The following SERPINA10 variants were observed in gnomAD, a reference collection of about 807,000 sequenced individuals.
SERPINA10 encodes the protein serpin family A member 10, also known as protein Z-dependent protease inhibitor.
In SERPINA10, 24 loss-of-function variants were observed where a neutral mutation model predicts 28.0. The observed-to-expected ratio is 0.86, with a 90% CI of 0.62 to 1.20. The LOEUF (loss-of-function observed/expected upper bound fraction) is 1.20. Among genes scored for constraint, SERPINA10 ranks in the 50% most tolerant of loss-of-function variants. SERPINA10 has a pLI of 0.00. For synonymous variants in SERPINA10, 207 were observed against 203.9 expected (o/e 1.02, Z -0.13); for missense variants, 521 against 537.7 (o/e 0.97, Z 0.31).
At chr14:94,284,677 T>C (rs1455630199) in intron 4 of SERPINA10, among the ~76,000 whole-genome samples, 1 of 152,212 alleles carries the variant, frequency 6.6e-6, no homozygotes, top group Non-Finnish European at 1.5e-5. Flanking sequence ...CCTTCCTGAA[T>C]TCTGGCTGCC....
intron 2 of SERPINA10, among the ~76,000 whole-genome samples, chr14:94,289,425 GCCAAGC>G (rs1336106229): frequency 1.3e-5 from 2 of 152,336 alleles, no homozygotes; most frequent in East Asian, 3.9e-4. Context: ...TCTGCTATGT[GCCAAGC>G]CCATCTGGGC....
At chr14:94,287,212 C>A (rs1424955611) in intron 3 of SERPINA10, among the ~76,000 whole-genome samples, 2 of 152,132 alleles carry the variant, frequency 1.3e-5, no homozygotes, top group African/African-American at 4.8e-5. Flanking sequence ...GACTCCAGAT[C>A]CACCTGTCGT....
chr14:94,284,293 C>T lies in SERPINA10; in HGVS notation c.1144-137G>A, dbSNP rs929936670. On this transcript the variant is annotated intron_variant, in intron 4 of 4. Coordinates refer to ENST00000261994, the MANE Select transcript of SERPINA10 (RefSeq NM_001100607.3). ...GGATTTAGTGGAGCAGGCCCATCTA[C>T]GTTAAGAGGAGTGGTCTGGGGTTGC... 29 of 799,988 alleles carry T rather than the reference C, an allele frequency of 3.6e-5. 1 individual carries two copies. Among genetic ancestry groups the T allele is most frequent in the South Asian group, 3.4e-4 (23 of 67,834 alleles). The allele number at this position is 799,988 out of a possible 1,614,324, so 49.6% of individuals were successfully genotyped here.
At chr14:94,284,980 G>T (rs1894985312) in intron 4 of SERPINA10, among the ~76,000 whole-genome samples, 2 of 152,166 alleles carry the variant, frequency 1.3e-5, no homozygotes, top group Non-Finnish European at 2.9e-5. Context: ...ACTTTCAGGT[G>T]CTGGTCTGAC....
intron 4 of SERPINA10, among the ~76,000 whole-genome samples, chr14:94,285,014 A>G (rs56317088): frequency 0.013 from 1,922 of 152,088 alleles, 15 homozygotes; most frequent in Non-Finnish European, 0.02. Flanking sequence ...TAATTGTCTT[A>G]CCTCTCTTGA....
chr14:94,291,680 G>A (rs943370625), intron 1 of SERPINA10, among the ~76,000 whole-genome samples: 5 of 152,178 alleles, frequency 3.3e-5, no homozygotes, highest in African/African-American at 1.2e-4. Flanking sequence ...CCCAGTGAGC[G>A]CAGGGTGGAT....
Position 94,283,953 on chromosome 14 carries a change from G to A in SERPINA10, c.*12C>T, listed in dbSNP as rs752951778. 9 of 1,613,556 alleles carry A rather than the reference G, an allele frequency of 5.6e-6. No homozygotes were observed. The South Asian group carries it at 9.9e-5, about 18-fold the overall frequency. On this transcript the variant is annotated 3_prime_UTR_variant, in exon 5 of 5. Coordinates refer to ENST00000261994, the MANE Select transcript of SERPINA10 (RefSeq NM_001100607.3). ...ATCTACTACAGCACGAAGTGCTTAT[G>A]CGTGTCCTGAATTATAGGAGAGTCG...
chr14:94,286,909 A>C (rs1895038498), intron 3 of SERPINA10, among the ~76,000 whole-genome samples: 1 of 152,200 alleles, frequency 6.6e-6, no homozygotes, highest in South Asian at 2.1e-4. Context: ...AAAGATATGA[A>C]GAAAAATGAA....
At position 94,284,158 on chromosome 14, in the gene SERPINA10, T is replaced by C; in HGVS notation, c.1144-2A>G. On this transcript the variant is annotated splice_acceptor_variant, in intron 4 of 4. Coordinates refer to ENST00000261994, the MANE Select transcript of SERPINA10 (RefSeq NM_001100607.3). LOFTEE classifies it high-confidence loss of function. ...TTCAATCACTGTTCTTTGTAAAACC[T>C]GGAAAAAGGAAATAATGTGAAAAAC... is the stretch of plus-strand genomic sequence containing the variant. The C allele has an allele frequency of 2.5e-6, 4 of 1,613,430 alleles. No individual in the cohort carries two copies. The highest frequency in any genetic ancestry group is 3.4e-6 in the Non-Finnish European group (4 of 1,179,422).
intron 1 of SERPINA10, among the ~76,000 whole-genome samples, chr14:94,291,801 G>A (rs1393226400): frequency 6.6e-6 from 1 of 152,234 alleles, no homozygotes; most frequent in African/African-American, 2.4e-5. Flanking sequence ...CCTGATGCAG[G>A]GGCTGAGTCC....
At chr14:94,288,683 T>A in intron 2 of SERPINA10, 124 bp from the exon 3 acceptor site, 1 of 1,315,548 alleles carries the variant, frequency 7.6e-7, no homozygotes, top group Non-Finnish European at 1.1e-6. Context: ...TCGTTCCAAC[T>A]AGGAAAGGCG....
In SERPINA10 at chr14:94,280,464, A is replaced by G. The variant is rs1894872483; in HGVS notation, c.*3501T>C. ...TTAACAGAACATGACATTTCCTAAA[A>G]TCTTTGAAATATTTATTAAAATTAT... On this transcript the variant is annotated 3_prime_UTR_variant, in exon 5 of 5. Transcript: ENST00000261994. 1 of 152,190 alleles carries G rather than the reference A, an allele frequency of 6.6e-6. No homozygotes were observed. Among genetic ancestry groups the G allele is most frequent in the Admixed American group, 6.5e-5 (1 of 15,272 alleles). 9.4% of individuals were successfully genotyped at this position (152,190 alleles called of 1,614,324 possible).
intron 1 of SERPINA10, among the ~76,000 whole-genome samples, chr14:94,291,088 G>T (rs56059563): frequency 0.12 from 17,530 of 152,230 alleles, 1,201 homozygotes; most frequent in African/African-American, 0.19. Flanking sequence ...CTTGCCCAGT[G>T]CCCTGTTTGG....
chr14:94,290,018 A>C lies in SERPINA10; in HGVS notation c.576T>G (p.Pro192=). The C allele has an allele frequency of 6.2e-7, 1 of 1,614,228 alleles. No individual in the cohort carries two copies. Among genetic ancestry groups the C allele is most frequent in the South Asian group, 1.1e-5 (1 of 91,084 alleles). Reference sequence around the variant, plus strand: ...CCTGTGAGGCATTGCGAAAATTCATAGGCACGCACTCTGTATCAAAATACC... The same window carrying C: ...CCTGTGAGGCATTGCGAAAATTCATCGGCACGCACTCTGTATCAAAATACC... ...SKRYFDTECV[P]MNFRNASQAK... is the part of the protein sequence containing the mutation. The change falls in exon 2 of 5, where the codon CCT becomes CCG. Residue 192 remains proline (P), a synonymous_variant. Coordinates refer to ENST00000261994, the MANE Select transcript of SERPINA10 (RefSeq NM_001100607.3).
rs1349563208 is a variant in SERPINA10 at position 94,280,779 on chromosome 14, A to C, written c.*3186T>G. On this transcript the variant is annotated 3_prime_UTR_variant, in exon 5 of 5. Transcript: ENST00000261994. ...TTTCACTAGTTAGCCTTACAAGCTA[A>C]CTGTAGAGCTCACTTTTACTGCAGA... is the stretch of plus-strand genomic sequence containing the variant. 2 of 152,214 alleles carry C rather than the reference A, an allele frequency of 1.3e-5. No homozygotes were observed. The highest frequency in any genetic ancestry group is 6.5e-5 in the Admixed American group (1 of 15,284). The allele number at this position is 152,214 out of a possible 1,614,324, so 9.4% of individuals were successfully genotyped here. A position where few individuals can be genotyped will look rare whatever the true frequency, so the allele number is the denominator to read the frequency against.
In SERPINA10 at chr14:94,281,630, A is replaced by AG. The variant is rs1221115697; in HGVS notation, c.*2334dup. The AG allele has an allele frequency of 2.6e-5, 4 of 152,188 alleles. No individual in the cohort carries two copies. The highest frequency in any genetic ancestry group is 4.8e-5 in the African/African-American group (2 of 41,448). 9.4% of individuals were successfully genotyped at this position (152,188 alleles called of 1,614,324 possible). On this transcript the variant is annotated 3_prime_UTR_variant, in exon 5 of 5. Coordinates refer to ENST00000261994, the MANE Select transcript of SERPINA10 (RefSeq NM_001100607.3). ...TGGGAAATCTGAAACTGAGTGTCTT[A>AG]GGAACTTCTTAAAGCAAATGTGAGG... is the stretch of plus-strand genomic sequence containing the variant.
chr14:94,286,338 C>A, intron 3 of SERPINA10, 80 bp from the exon 4 acceptor site: 1 of 1,508,692 alleles, frequency 6.6e-7, no homozygotes, highest in Admixed American at 1.7e-5. Flanking sequence ...AATTTTTGTT[C>A]TTTAAGATTA....
rs781456055 is a variant in SERPINA10 at position 94,288,514 on chromosome 14, G to T, written c.764C>A (p.Thr255Asn). Residue 255 changes from threonine (T) to asparagine (N), a missense_variant, in exon 3 of 5, where the codon ACT (threonine) becomes AAT (asparagine). Coordinates refer to ENST00000261994, the MANE Select transcript of SERPINA10 (RefSeq NM_001100607.3). ...GGTCTTGTACTTGTCCAGGTGGAAA[G>T]TGTCGACTTCGGTGAAGACAGGGTC... ...PFDPVFTEVDTFHLDKYKTIK... is the reference protein window; with the variant it reads ...PFDPVFTEVDNFHLDKYKTIK... 1 of 1,614,226 alleles carries T rather than the reference G, an allele frequency of 6.2e-7. No individual in the cohort carries two copies. Among genetic ancestry groups the T allele is most frequent in the Admixed American group, 1.7e-5 (1 of 60,032 alleles).
chr14:94,287,011 T>C (rs752827214), intron 3 of SERPINA10, among the ~76,000 whole-genome samples: 1 of 152,180 alleles, frequency 6.6e-6, no homozygotes, highest in Non-Finnish European at 1.5e-5. Context: ...GCCATAGCCA[T>C]GGAATTCGTA....
Sources: allele counts gnomAD v4.1 joint callset (sites outside exome capture counted in the v4.1 genomes callset), GRCh38; gene constraint gnomAD v4.1.1; transcripts MANE v1.5; gene names NCBI Gene and HGNC (gene_info 2026-07-23, HGNC 2026-07-21).